The following FGF10 variants were observed in gnomAD, a reference collection of about 807,000 sequenced individuals.
The protein encoded by FGF10 is FGF-10.
In FGF10, 2 loss-of-function variants were observed where a neutral mutation model predicts 19.8. That is an observed-to-expected ratio of 0.10 (90% CI 0.04 to 0.32). The LOEUF (loss-of-function observed/expected upper bound fraction) is 0.32, where lower values mean the gene tolerates loss of function less well. Among genes scored for constraint, FGF10 ranks in the 10% least tolerant of loss-of-function variants. FGF10 has a pLI of 1.00. For missense variants in FGF10, 191 were observed against 246.3 expected, an observed-to-expected ratio of 0.78 and a Z score of 1.50; for synonymous variants, 112 against 94.0, an observed-to-expected ratio of 1.19 and a Z score of -1.10.
rs1740000861 is a variant in FGF10, at chr5:44,303,219, G to A, written c.*1776C>T. ...AATGGGAAAAATATGACCTTTTATG[G>A]GATTATACAAAAAATTTCTTAATAA... On this transcript the variant is annotated 3_prime_UTR_variant, in exon 3 of 3. Coordinates refer to ENST00000264664, the MANE Select transcript of FGF10 (RefSeq NM_004465.2). Among the ~76,000 whole-genome samples the A allele has an allele frequency of 6.6e-6, 1 of 151,848 alleles. No homozygotes were observed. The highest frequency in any genetic ancestry group is 2.4e-5 in the African/African-American group (1 of 41,330).
chr5:44,376,260 A>G (rs570544885), intron 1 of FGF10, among the ~76,000 whole-genome samples: 2 of 151,844 alleles, frequency 1.3e-5, no homozygotes, highest in Admixed American at 1.3e-4. Context: ...CGATCACACA[A>G]CTATGAAGTT....
rs375370577 is a variant in FGF10, at chr5:44,326,748, G to T, written c.326-16218C>A. On this transcript the variant is annotated intron_variant, in intron 1 of 2. Coordinates refer to ENST00000264664, the MANE Select transcript of FGF10 (RefSeq NM_004465.2). ...ACCTCATCTGCCTCTCTTACCTGATGCTGTACTACCAGCACCGGGATCATA... is the reference window on the plus strand; with the variant it reads ...ACCTCATCTGCCTCTCTTACCTGATTCTGTACTACCAGCACCGGGATCATA... 1.0e-3 allele frequency among the ~76,000 whole-genome samples: 156 copies of T among 152,094 alleles called. 3 individuals carry two copies. Among genetic ancestry groups the T allele is most frequent in the African/African-American group, 3.6e-3 (148 of 41,490 alleles).
In FGF10 at chr5:44,323,474, A is replaced by G. The variant is rs546727168; in HGVS notation, c.326-12944T>C. Among the ~76,000 whole-genome samples the G allele has an allele frequency of 2.0e-5, 3 of 152,322 alleles. No individual in the cohort carries two copies. In the East Asian group the frequency reaches 5.8e-4, roughly 29 times the overall value. On this transcript the variant is annotated intron_variant, in intron 1 of 2. Coordinates refer to ENST00000264664, the MANE Select transcript of FGF10 (RefSeq NM_004465.2). ...AGCAACACTGGGCTAGAGATGGTCT[A>G]AGAACAGGTACTATTACCTTAACCA...
chr5:44,313,602 A>T (rs1033080216), intron 1 of FGF10, among the ~76,000 whole-genome samples: 218 of 135,584 alleles, frequency 1.6e-3, no homozygotes, highest in Middle Eastern at 3.8e-3. Flanking sequence ...TTTTTTTTTT[A>T]ACTCAAAGAA....
intron 1 of FGF10, among the ~76,000 whole-genome samples, chr5:44,350,635 T>C (rs1741211294): frequency 6.6e-6 from 1 of 151,150 alleles, no homozygotes; most frequent in South Asian, 2.1e-4. Flanking sequence ...CCTTAAGTTT[T>C]ATATATTATT....
intron 1 of FGF10, among the ~76,000 whole-genome samples, chr5:44,338,002 T>C (rs1364328820): frequency 1.3e-5 from 2 of 152,156 alleles, no homozygotes; most frequent in African/African-American, 4.8e-5. Context: ...ACAATCTAAA[T>C]GTCCAAATAA....
intron 1 of FGF10, among the ~76,000 whole-genome samples, chr5:44,362,613 G>A (rs1741516283): frequency 6.6e-6 from 1 of 151,636 alleles, no homozygotes; most frequent in African/African-American, 2.4e-5. Context: ...GAGTATCAAT[G>A]GATACTATAT....
At chr5:44,340,741 T>G (rs967094148) in intron 1 of FGF10, among the ~76,000 whole-genome samples, 1 of 151,734 alleles carries the variant, frequency 6.6e-6, no homozygotes, top group Non-Finnish European at 1.5e-5. Flanking sequence ...CCTTTTTTTC[T>G]AGGAATTTAA....
At chr5:44,306,204 T>C (rs1309978000) in intron 2 of FGF10, among the ~76,000 whole-genome samples, 2 of 152,052 alleles carry the variant, frequency 1.3e-5, no homozygotes, top group African/African-American at 4.8e-5. Context: ...AAGACCAGCC[T>C]GGCCAACATG....
rs2111656690 is a variant in FGF10 at position 44,302,440 on chromosome 5, C to G, written c.*2555G>C. ...ATGGCAAGATTATAGCTCACTGCAG[C>G]CTCAAACTCCTGGGCCCAAGAGATC... is the stretch of plus-strand genomic sequence containing the variant. On this transcript the variant is annotated 3_prime_UTR_variant, in exon 3 of 3. Coordinates refer to ENST00000264664, the MANE Select transcript of FGF10 (RefSeq NM_004465.2). Among the ~76,000 whole-genome samples the G allele has an allele frequency of 6.6e-6, 1 of 152,088 alleles. No individual in the cohort carries two copies. Among genetic ancestry groups the G allele is most frequent in the East Asian group, 1.9e-4 (1 of 5,162 alleles).
At chr5:44,367,275 T>C (rs1015064513) in intron 1 of FGF10, among the ~76,000 whole-genome samples, 1 of 152,080 alleles carries the variant, frequency 6.6e-6, no homozygotes, top group African/African-American at 2.4e-5. Context: ...AGCCAGACTT[T>C]TTTAACTGCA....
rs17234387 is a variant in FGF10, at chr5:44,327,329, C to T, written c.326-16799G>A. Among the ~76,000 whole-genome samples the T allele has an allele frequency of 4.1e-3, 625 of 152,248 alleles. 37 individuals carry two copies. In the East Asian group the frequency reaches 0.11, roughly 26 times the overall value. ...AGAGAACTAATAAAAGAGTCCCAAG[C>T]CTAAACCAGAATTATTCTGCTCAGT... is the stretch of plus-strand genomic sequence containing the variant. On this transcript the variant is annotated intron_variant, in intron 1 of 2. Transcript: ENST00000264664.
At chr5:44,382,040 A>C (rs1342599957) in intron 1 of FGF10, among the ~76,000 whole-genome samples, 2 of 152,222 alleles carry the variant, frequency 1.3e-5, no homozygotes, top group Non-Finnish European at 2.9e-5. Flanking sequence ...ACATACTGAC[A>C]GAATGGGTAT....
chr5:44,332,965 A>G (rs1740771102), intron 1 of FGF10, among the ~76,000 whole-genome samples: 1 of 152,070 alleles, frequency 6.6e-6, no homozygotes, highest in Non-Finnish European at 1.5e-5. Context: ...GCAAAACTAC[A>G]TAGTTCTTGA....
chr5:44,305,903 G>A lies in FGF10; in HGVS notation c.430-711C>T, dbSNP rs113156570. Among the ~76,000 whole-genome samples the A allele has an allele frequency of 9.9e-5, 15 of 152,276 alleles. 3 individuals carry two copies. Among genetic ancestry groups the A allele is most frequent in the African/African-American group, 3.4e-4 (14 of 41,548 alleles). On this transcript the variant is annotated intron_variant, in intron 2 of 2. Transcript: ENST00000264664. ...GAAGAAATTATGAGCATGGTGAATA[G>A]CAATGCCTACATTGTATCTTAAGGA...
chr5:44,350,301 A>G (rs961652161), intron 1 of FGF10, among the ~76,000 whole-genome samples: 3 of 150,994 alleles, frequency 2.0e-5, no homozygotes, highest in African/African-American at 7.3e-5. Flanking sequence ...AAAAGTATCC[A>G]TGAGAAAAGC....
chr5:44,308,385 T>G (rs1740132680), intron 2 of FGF10, among the ~76,000 whole-genome samples: 1 of 152,188 alleles, frequency 6.6e-6, no homozygotes, highest in African/African-American at 2.4e-5. Context: ...TCATTAAAAT[T>G]ATTTACATTT....
Position 44,318,782 on chromosome 5 carries a change from C to G in FGF10, c.326-8252G>C, listed in dbSNP as rs145285235. Reference sequence around the variant, plus strand: ...CAAGCATGTCAACTGTCATATTTTTCCCCAAAGTACTAAGTTATTTTACAT... The same window carrying G: ...CAAGCATGTCAACTGTCATATTTTTGCCCAAAGTACTAAGTTATTTTACAT... On this transcript the variant is annotated intron_variant, in intron 1 of 2. Coordinates refer to ENST00000264664, the MANE Select transcript of FGF10 (RefSeq NM_004465.2). 1.3e-3 allele frequency among the ~76,000 whole-genome samples: 199 copies of G among 152,180 alleles called. 1 individual carries two copies. The highest frequency in any genetic ancestry group is 4.6e-3 in the African/African-American group (192 of 41,546).
intron 1 of FGF10, among the ~76,000 whole-genome samples, chr5:44,336,914 A>G (rs1740866906): frequency 6.6e-6 from 1 of 152,148 alleles, no homozygotes; most frequent in Non-Finnish European, 1.5e-5. Flanking sequence ...TTACTAACCA[A>G]TTTGGGGAAG....
Sources: allele counts gnomAD v4.1 joint callset (sites outside exome capture counted in the v4.1 genomes callset), GRCh38; gene constraint gnomAD v4.1.1; transcripts MANE v1.5; gene names NCBI Gene and HGNC (gene_info 2026-07-23, HGNC 2026-07-21).